The following KCNIP3 variants were observed in gnomAD, a reference collection of about 807,000 sequenced individuals.
The protein encoded by KCNIP3 is calsenilin.
A neutral mutation model predicts 35.0 loss-of-function variants in KCNIP3; 28 were observed. The observed-to-expected ratio is 0.80, with a 90% CI of 0.59 to 1.10. KCNIP3 has a LOEUF of 1.10. KCNIP3 is among the 50% of genes least tolerant of loss of function. The pLI is 0.00. For synonymous variants in KCNIP3, 134 were observed against 133.8 expected, an observed-to-expected ratio of 1.00 and a Z score of -0.01; for missense variants, 295 against 338.4, an observed-to-expected ratio of 0.87 and a Z score of 1.01.
intron 2 of KCNIP3, 51 bp from the exon 3 acceptor site, chr2:95,374,245 G>A: frequency 6.3e-7 from 1 of 1,593,092 alleles, no homozygotes. Flanking sequence ...GGAGCAAGAT[G>A]GAGGAGCAGG....
intron 2 of KCNIP3, among the ~76,000 whole-genome samples, chr2:95,369,617 TTTTTTTCAA>T (rs1381692186): frequency 6.6e-6 from 1 of 152,184 alleles, no homozygotes; most frequent in African/African-American, 2.4e-5. Flanking sequence ...TTTCTCTCTT[TTTTTTTCAA>T]TTTTTTCAAT....
In KCNIP3 at chr2:95,378,432, C is replaced by T. The variant is rs1680256360; in HGVS notation, c.448-3164C>T. Among the ~76,000 whole-genome samples, 1 of 152,056 alleles carries T rather than the reference C, an allele frequency of 6.6e-6. No individual in the cohort carries two copies. Among genetic ancestry groups the T allele is most frequent in the African/African-American group, 2.4e-5 (1 of 41,410 alleles). On this transcript the variant is annotated intron_variant, in intron 5 of 8. Coordinates refer to ENST00000295225, the MANE Select transcript of KCNIP3 (RefSeq NM_013434.5). The surrounding 1 kb of genome is among the most constrained non-coding windows in gnomAD (Gnocchi z 4.0). ...TGTGAGCCACCACACCTGGGTGTTG[C>T]TTCTTTAAAATATTTTCATTGGCCG...
intron 2 of KCNIP3, among the ~76,000 whole-genome samples, chr2:95,341,502 G>C (rs1408372295): frequency 2.0e-5 from 3 of 152,204 alleles, no homozygotes; most frequent in African/African-American, 7.2e-5. Context: ...TCATTTCGTA[G>C]GTTGTCTTGG....
intron 8 of KCNIP3, among the ~76,000 whole-genome samples, chr2:95,383,714 C>T (rs1014717357): frequency 3.3e-5 from 5 of 152,256 alleles, no homozygotes; most frequent in African/African-American, 1.2e-4. Flanking sequence ...ACTCCCAGAG[C>T]AGTCCTGGTT....
chr2:95,317,332 C>T (rs1236506646), intron 2 of KCNIP3, among the ~76,000 whole-genome samples: 1 of 152,222 alleles, frequency 6.6e-6, no homozygotes, highest in Non-Finnish European at 1.5e-5. Flanking sequence ...GTGACGCCCA[C>T]CCCATCCCCA....
rs772237134 is a variant in KCNIP3 at position 95,382,427 on chromosome 2, C to T, written c.606C>T (p.Thr202=). 1.2e-6 allele frequency: 2 copies of T among 1,609,768 alleles called. No homozygotes were observed. The highest frequency in any genetic ancestry group is 1.7e-6 in the Non-Finnish European group (2 of 1,178,328). The stretch of plus-strand genomic sequence containing the variant: ...TCTATGACATGATGGGCCGCCACAC[C>T]TACCCCATCCTGCGGGAGGACGCGC... ...KSIYDMMGRH[T]YPILREDAPA... Residue 202 remains threonine (T), a synonymous_variant, in exon 7 of 9, where the codon ACC becomes ACT. Coordinates refer to ENST00000295225, the MANE Select transcript of KCNIP3 (RefSeq NM_013434.5). The surrounding 1 kb of genome is among the most constrained non-coding windows in gnomAD (Gnocchi z 4.5).
intron 2 of KCNIP3, among the ~76,000 whole-genome samples, chr2:95,326,062 C>A (rs1197395846): frequency 6.6e-6 from 1 of 150,704 alleles, no homozygotes; most frequent in Non-Finnish European, 1.5e-5. Context: ...CACACATACA[C>A]ATTCACTCAT....
intron 2 of KCNIP3, among the ~76,000 whole-genome samples, chr2:95,318,944 C>T (rs769476476): frequency 9.2e-5 from 14 of 152,196 alleles, no homozygotes; most frequent in Admixed American, 3.3e-4. Context: ...GAAGATGCTG[C>T]CCCCATGCTG....
intron 2 of KCNIP3, among the ~76,000 whole-genome samples, chr2:95,373,582 C>T (rs2104298819): frequency 6.6e-6 from 1 of 152,226 alleles, no homozygotes; most frequent in South Asian, 2.1e-4. Flanking sequence ...GCCACCATGC[C>T]TGGCTAATTT....
At chr2:95,327,385 G>A (rs1031470530) in intron 2 of KCNIP3, among the ~76,000 whole-genome samples, 31 of 151,992 alleles carry the variant, frequency 2.0e-4, no homozygotes, top group African/African-American at 2.4e-4. Context: ...TCACACACAC[G>A]CACACATACA....
chr2:95,342,882 G>C (rs1259886964), intron 2 of KCNIP3, among the ~76,000 whole-genome samples: 1 of 152,226 alleles, frequency 6.6e-6, no homozygotes, highest in Non-Finnish European at 1.5e-5. Context: ...CTGAGGCTGG[G>C]AAAGGAAATT....
chr2:95,375,242 C>G, intron 5 of KCNIP3, 34 bp downstream of exon 5: 2 of 1,593,152 alleles, frequency 1.3e-6, no homozygotes, highest in Non-Finnish European at 1.7e-6. Context: ...ACGTGTCCTG[C>G]CCCTGTGGTT....
At chr2:95,368,327 G>A (rs1679965452) in intron 2 of KCNIP3, among the ~76,000 whole-genome samples, 1 of 152,078 alleles carries the variant, frequency 6.6e-6, no homozygotes, top group Non-Finnish European at 1.5e-5. Flanking sequence ...GTCACCAAAA[G>A]TGAGGATCCA....
chr2:95,366,177 A>G (rs934084380), intron 2 of KCNIP3, among the ~76,000 whole-genome samples: 2 of 152,118 alleles, frequency 1.3e-5, no homozygotes, highest in Non-Finnish European at 2.9e-5. Context: ...CGTCACCACA[A>G]AAAATTGCCT....
intron 2 of KCNIP3, among the ~76,000 whole-genome samples, chr2:95,334,069 T>C (rs1678997719): frequency 6.6e-6 from 1 of 151,906 alleles, no homozygotes; most frequent in Non-Finnish European, 1.5e-5. Context: ...AAAGAAATGC[T>C]TATGTTCAGA....
rs1222535058 is a variant in KCNIP3 at position 95,381,665 on chromosome 2, C to T, written c.517C>T (p.Leu173Phe). 3.7e-6 allele frequency: 6 copies of T among 1,614,110 alleles called. No individual in the cohort carries two copies. Among genetic ancestry groups the T allele is most frequent in the Non-Finnish European group, 4.2e-6 (5 of 1,179,966 alleles). The change falls in exon 6 of 9, where the codon CTC becomes TTC. Residue 173 changes from leucine to phenylalanine, a missense_variant. Transcript: ENST00000295225. ...VHEKLKWAFNLYDINKDGYIT... is the reference protein window; with the variant it reads ...VHEKLKWAFNFYDINKDGYIT... ...CGAGAAGCTCAAGTGGGCCTTTAAT[C>T]TCTACGACATTAACAAGGATGGCTA...
Position 95,347,217 on chromosome 2 carries a change from G to A in KCNIP3, c.182-27079G>A, listed in dbSNP as rs931815429. 7.2e-6 allele frequency: 8 copies of A among 1,106,626 alleles called. No individual in the cohort carries two copies. In the African/African-American group the frequency reaches 1.1e-4, roughly 15 times the overall value. 68.6% of individuals were successfully genotyped at this position (1,106,626 alleles called of 1,614,324 possible). On this transcript the variant is annotated intron_variant, in intron 2 of 8. Transcript: ENST00000295225. ...CCCGCACGCCGGGGTGCACTGGTCT[G>A]GCGAGGAGCGGCCTGGGCCGCCGCC...
At chr2:95,310,618 G>C in intron 2 of KCNIP3, 98 bp downstream of exon 2, 3 of 1,367,324 alleles carry the variant, frequency 2.2e-6, no homozygotes, top group Non-Finnish European at 3.1e-6. Flanking sequence ...TGGGACCCCA[G>C]CCTGGGCTAC....
chr2:95,352,324 A>G (rs1387074321), intron 2 of KCNIP3, among the ~76,000 whole-genome samples: 1 of 152,050 alleles, frequency 6.6e-6, no homozygotes, highest in African/African-American at 2.4e-5. Flanking sequence ...GCCCTCCAGC[A>G]TTTGTTAGCA....
Sources: allele counts gnomAD v4.1 joint callset (sites outside exome capture counted in the v4.1 genomes callset), GRCh38; gene constraint gnomAD v4.1.1; non-coding constraint Gnocchi (gnomAD v3.1); transcripts MANE v1.5; gene names NCBI Gene and HGNC (gene_info 2026-07-23, HGNC 2026-07-21).